Variants in IGSF9B observed in about 807,000 individuals in gnomAD.
IGSF9B encodes the protein immunoglobulin superfamily member 9B, also known as protein turtle homolog B.
A neutral mutation model predicts 143.7 loss-of-function variants in IGSF9B; 48 were observed. The ratio of observed to expected loss-of-function variants is 0.33; its 90% confidence interval spans 0.26 to 0.42. The LOEUF (loss-of-function observed/expected upper bound fraction) is 0.42, where lower values mean the gene tolerates loss of function less well. Ranked by LOEUF, IGSF9B falls within the 20% of genes least tolerant of loss-of-function variation. The probability of loss-of-function intolerance (pLI) is 1.00; values close to 1 mark genes in which losing one functional copy is unlikely to be tolerated. For synonymous variants in IGSF9B, 903 were observed against 833.1 expected (o/e 1.08, Z -1.44); for missense variants, 1,706 against 1,980.0 (o/e 0.86, Z 2.63).
Position 133,900,070 on chromosome 11 carries a change from T to C in IGSF9B, c.*8999A>G, listed in dbSNP as rs567599798. 38 of 150,954 alleles carry C rather than the reference T, an allele frequency of 2.5e-4. No homozygotes were observed. The highest frequency in any genetic ancestry group is 8.5e-4 in the African/African-American group (35 of 41,330). The allele number at this position is 150,954 out of a possible 1,614,324, so 9.4% of individuals were successfully genotyped here. ...TGAATGGCAGGGCCTCATAGGTCCATGTAAGGATCAAGAGTTAGACTCAAG... is the reference window on the plus strand; with the variant it reads ...TGAATGGCAGGGCCTCATAGGTCCACGTAAGGATCAAGAGTTAGACTCAAG... On this transcript the variant is annotated 3_prime_UTR_variant, in exon 20 of 20. Transcript: ENST00000533871.
chr11:133,916,876 C>A (rs940130422), intron 18 of IGSF9B, among the ~76,000 whole-genome samples: 4 of 152,090 alleles, frequency 2.6e-5, no homozygotes, highest in South Asian at 4.1e-4. Flanking sequence ...TCTCTGGGCG[C>A]AGGAGGGCCC....
At chr11:133,924,686 G>A (rs565810398) in intron 15 of IGSF9B, 134 bp downstream of exon 15, 22 of 705,942 alleles carry the variant, frequency 3.1e-5, no homozygotes, top group South Asian at 8.5e-5. Context: ...TATGACTCAC[G>A]CAGCTGCAAC....
In IGSF9B at chr11:133,921,311, G is replaced by A; in HGVS notation, c.2414C>T (p.Ala805Val). 5.0e-6 allele frequency: 8 copies of A among 1,606,364 alleles called. No homozygotes were observed. Among genetic ancestry groups the A allele is most frequent in the Non-Finnish European group, 6.8e-6 (8 of 1,176,020 alleles). ...ACGGGTGGGGCTCAGCATCCTCTTGGCCGCGGGCTGGCCCTGGTCGTCGGA... is the reference window on the plus strand; with the variant it reads ...ACGGGTGGGGCTCAGCATCCTCTTGACCGCGGGCTGGCCCTGGTCGTCGGA... ...ESSDDQGQPA[A>V]KRMLSPTREK... is the part of the protein sequence containing the mutation. The change falls in exon 18 of 20, where the codon GCC (alanine) becomes GTC (valine). Residue 805 changes from alanine (A) to valine (V), a missense_variant. Physicochemically the swap from Ala to Val is moderately conservative, Grantham distance 64. Coordinates refer to ENST00000533871, the MANE Select transcript of IGSF9B (RefSeq NM_001277285.4).
At chr11:133,947,199 C>T (rs1436342394) in intron 1 of IGSF9B, among the ~76,000 whole-genome samples, 1 of 152,132 alleles carries the variant, frequency 6.6e-6, no homozygotes, top group Non-Finnish European at 1.5e-5. Context: ...AGCCACGCAC[C>T]CCAAGCGCCG....
intron 12 of IGSF9B, among the ~76,000 whole-genome samples, chr11:133,929,096 T>C (rs1334504932): frequency 6.6e-6 from 1 of 152,200 alleles, no homozygotes; most frequent in Admixed American, 6.5e-5. Context: ...GTATCATACA[T>C]TCTTAAACCA....
chr11:133,909,132 T>C lies in IGSF9B; in HGVS notation c.4251A>G (p.Glu1417=). ...LSDLCHRQLP[E]DQTAILNSVD... ...CACTGTTGAGAATCGCTGTCTGGTC[T>C]TCCGGAAGCTGGCGGTGGCACAAGT... Residue 1417 remains glutamate (E), a synonymous_variant, in exon 20 of 20, where the codon GAA becomes GAG. Coordinates refer to ENST00000533871, the MANE Select transcript of IGSF9B (RefSeq NM_001277285.4). This position sits in a 1 kb window ranked among gnomAD's most constrained non-coding sequence, Gnocchi z 4.2. The C allele has an allele frequency of 2.0e-6, 3 of 1,535,922 alleles. No individual in the cohort carries two copies. Among genetic ancestry groups the C allele is most frequent in the Non-Finnish European group, 1.7e-6 (2 of 1,146,752 alleles).
At chr11:133,919,015 C>T (rs1374996437) in intron 18 of IGSF9B, 9 of 489,360 alleles carry the variant, frequency 1.8e-5, no homozygotes, top group Non-Finnish European at 3.4e-5. Flanking sequence ...GGCGTCCAGG[C>T]CCTGGTACCT....
At chr11:133,919,126 G>GGGT (rs1555086518) in intron 18 of IGSF9B, 8 of 362,528 alleles carry the variant, frequency 2.2e-5, no homozygotes, top group Non-Finnish European at 3.4e-5. Flanking sequence ...TACGGGGGGG[G>GGGT]GGTGGGGGAC....
At position 133,926,904 on chromosome 11, in the gene IGSF9B, C is replaced by G. The variant is rs1414747584; in HGVS notation, c.1807+12G>C. On this transcript the variant is annotated intron_variant, in intron 13 of 19. Coordinates refer to ENST00000533871, the MANE Select transcript of IGSF9B (RefSeq NM_001277285.4). ...CAACCCCCGCTCCCAACATCCCACC[C>G]CGGGCCCTCACCTAAAGTGTTCACA... The G allele has an allele frequency of 1.3e-6, 2 of 1,568,068 alleles. No individual in the cohort carries two copies. The highest frequency in any genetic ancestry group is 1.2e-5 in the South Asian group (1 of 85,758).
At chr11:133,934,618 A>G (rs1939789474) in intron 7 of IGSF9B, among the ~76,000 whole-genome samples, 1 of 152,216 alleles carries the variant, frequency 6.6e-6, no homozygotes, top group African/African-American at 2.4e-5. Context: ...CTGCGAGGTT[A>G]GGGGTCCGAT....
chr11:133,935,031 CT>C (rs573223070), intron 7 of IGSF9B, among the ~76,000 whole-genome samples: 171 of 152,366 alleles, frequency 1.1e-3, no homozygotes, highest in Admixed American at 4.4e-3. Flanking sequence ...GATCAGCAAG[CT>C]GAATGGTGGT....
chr11:133,947,681 C>A (rs972066772), intron 1 of IGSF9B, among the ~76,000 whole-genome samples: 3 of 151,544 alleles, frequency 2.0e-5, no homozygotes, highest in Non-Finnish European at 4.4e-5. Context: ...TGCACGCACA[C>A]ACACATGCTG....
In IGSF9B at chr11:133,915,176, C is replaced by T. The variant is rs765493122; in HGVS notation, c.3984-3169G>A. ...CTTCTCCCAGGAAGTCAGGGGATTA[C>T]TCCAAGATGAGGGCCTCAAAGCCTT... On this transcript the variant is annotated intron_variant, in intron 18 of 19. Transcript: ENST00000533871. Among the ~76,000 whole-genome samples, 58 of 151,950 alleles carry T rather than the reference C, an allele frequency of 3.8e-4. 1 individual carries two copies. Among genetic ancestry groups the T allele is most frequent in the Non-Finnish European group, 7.2e-4 (49 of 67,978 alleles).
rs1438332518 is a variant in IGSF9B, at chr11:133,901,223, C to A, written c.*7846G>T. 2.0e-5 allele frequency: 3 copies of A among 152,172 alleles called. No individual in the cohort carries two copies. The East Asian group carries it at 5.8e-4, about 29-fold the overall frequency. 9.4% of individuals were successfully genotyped at this position (152,172 alleles called of 1,614,324 possible). The stretch of plus-strand genomic sequence containing the variant: ...TTATTTTACAAACTTTTCATATATA[C>A]ACATTTCCATCAGAAAGACCCAAGC... On this transcript the variant is annotated 3_prime_UTR_variant, in exon 20 of 20. Coordinates refer to ENST00000533871, the MANE Select transcript of IGSF9B (RefSeq NM_001277285.4).
chr11:133,933,092 T>C (rs1159030145), intron 7 of IGSF9B, among the ~76,000 whole-genome samples: 2 of 152,128 alleles, frequency 1.3e-5, no homozygotes, highest in African/African-American at 4.8e-5. Context: ...CCAGCCCAGG[T>C]GCTCAGAACT....
rs534621999 is a variant in IGSF9B at position 133,946,644 on chromosome 11, C to T, written c.65-386G>A. On this transcript the variant is annotated intron_variant, in intron 1 of 19. Coordinates refer to ENST00000533871, the MANE Select transcript of IGSF9B (RefSeq NM_001277285.4). Reference sequence around the variant, plus strand: ...GTCCAGGACATGGAGGTGAGGGGCCCGGCCCCCTCTGGAGGCCCACGGCAC... The same window carrying T: ...GTCCAGGACATGGAGGTGAGGGGCCTGGCCCCCTCTGGAGGCCCACGGCAC... Among the ~76,000 whole-genome samples the T allele has an allele frequency of 1.5e-4, 23 of 152,330 alleles. No homozygotes were observed. The East Asian group carries it at 4.1e-3, about 27-fold the overall frequency.
intron 3 of IGSF9B, among the ~76,000 whole-genome samples, chr11:133,943,631 G>A (rs1295192071): frequency 6.6e-6 from 1 of 152,186 alleles, no homozygotes; most frequent in East Asian, 1.9e-4. Flanking sequence ...CATTAAAACT[G>A]TGACGCTTCC....
intron 7 of IGSF9B, among the ~76,000 whole-genome samples, chr11:133,932,432 T>TACAGGGACAGACAGACAGAC: frequency 2.3e-5 from 1 of 43,840 alleles, no homozygotes; most frequent in East Asian, 7.3e-4. Flanking sequence ...GACAGACAGA[T>TACAGGGACAGACAGACAGAC]ACAGGGACAG....
intron 14 of IGSF9B, 127 bp from the exon 15 acceptor site, chr11:133,925,031 G>A (rs1343592088): frequency 2.7e-6 from 2 of 736,988 alleles, no homozygotes; most frequent in African/African-American, 1.7e-5. Context: ...ACTGCTAAGT[G>A]TCTAATGCTA....
Sources: gnomAD v4.1 joint callset for allele counts (sites outside exome capture counted in the v4.1 genomes callset) on GRCh38, gnomAD v4.1.1 for gene constraint, Gnocchi (gnomAD v3.1) non-coding constraint, MANE v1.5 for transcripts, NCBI Gene and HGNC (gene_info 2026-07-23, HGNC 2026-07-21) for gene names.